Variants in RFX4 observed in about 807,000 individuals in gnomAD.
RFX4 encodes transcription factor RFX4.
In RFX4, 10 loss-of-function variants were observed where a neutral mutation model predicts 95.0. The ratio of observed to expected loss-of-function variants is 0.11; its 90% CI spans 0.06 to 0.18. RFX4 has a LOEUF of 0.18. Ranked by LOEUF, RFX4 falls within the 10% of genes least tolerant of loss-of-function variation. The pLI, the probability that RFX4 is intolerant of heterozygous loss-of-function variation, is 1.00. For synonymous variants in RFX4, 321 were observed against 340.7 expected (o/e 0.94, Z 0.64); for missense variants, 640 against 922.0 (o/e 0.69, Z 3.96).
intron 13 of RFX4, among the ~76,000 whole-genome samples, chr12:106,721,200 C>T (rs2042390459): frequency 6.6e-6 from 1 of 152,158 alleles, no homozygotes; most frequent in African/African-American, 2.4e-5. Context: ...TTCATAGAAT[C>T]CCGTATTTGT....
intron 2 of RFX4, among the ~76,000 whole-genome samples, chr12:106,621,013 G>C (rs1176428653): frequency 2.0e-5 from 3 of 151,958 alleles, no homozygotes; most frequent in Admixed American, 6.6e-5. Context: ...GTCTTCCCTT[G>C]TTCCCTAAAA....
chr12:106,619,906 T>C (rs946398602), intron 2 of RFX4, among the ~76,000 whole-genome samples: 7 of 152,180 alleles, frequency 4.6e-5, no homozygotes, highest in Non-Finnish European at 1.0e-4. Context: ...TGTATTCTTC[T>C]GTGGTAGGTG....
At chr12:106,631,111 C>T (rs1157172389) in intron 2 of RFX4, among the ~76,000 whole-genome samples, 1 of 152,242 alleles carries the variant, frequency 6.6e-6, no homozygotes, top group African/African-American at 2.4e-5. Context: ...TGATGTTTCA[C>T]ATGCATTAAA....
chr12:106,617,469 T>C lies in RFX4; in HGVS notation c.130+8586T>C, dbSNP rs148468584. Among the ~76,000 whole-genome samples, 9 of 152,336 alleles carry C rather than the reference T, an allele frequency of 5.9e-5. No individual in the cohort carries two copies. In the East Asian group the frequency reaches 1.7e-3, roughly 29 times the overall value. ...TCAGTTAAACATATTTTCAATTTTT[T>C]ATTGTGATTTCTTCTTTTACTTATG... is the stretch of plus-strand genomic sequence containing the variant. On this transcript the variant is annotated intron_variant, in intron 2 of 17. Transcript: ENST00000392842.
At chr12:106,755,209 A>T (rs1405496105) in intron 17 of RFX4, among the ~76,000 whole-genome samples, 1 of 151,996 alleles carries the variant, frequency 6.6e-6, no homozygotes, top group East Asian at 1.9e-4. Context: ...TGATCCTCCC[A>T]CCTCAGCCTC....
At chr12:106,714,366 T>C (rs2137509913) in intron 10 of RFX4, among the ~76,000 whole-genome samples, 1 of 152,282 alleles carries the variant, frequency 6.6e-6, no homozygotes, top group South Asian at 2.1e-4. Flanking sequence ...TTCATTATCA[T>C]TAGAGATTCA....
intron 1 of RFX4, among the ~76,000 whole-genome samples, chr12:106,595,753 T>C (rs998760081): frequency 1.3e-5 from 2 of 152,194 alleles, no homozygotes; most frequent in African/African-American, 2.4e-5. Context: ...TTGTATAGCA[T>C]GTTACAGTCT....
intron 2 of RFX4, among the ~76,000 whole-genome samples, chr12:106,637,670 A>G (rs1266099187): frequency 6.8e-6 from 1 of 147,534 alleles, no homozygotes; most frequent in Non-Finnish European, 1.5e-5. Context: ...AATAATCTTT[A>G]TTAGGAATTG....
intron 10 of RFX4, among the ~76,000 whole-genome samples, chr12:106,713,998 A>G (rs1454789599): frequency 7.0e-6 from 1 of 142,694 alleles, no homozygotes; most frequent in African/African-American, 2.6e-5. Context: ...TGAACCCGGG[A>G]GGCAGAGGTT....
intron 2 of RFX4, among the ~76,000 whole-genome samples, chr12:106,618,400 T>C (rs2040116544): frequency 1.3e-5 from 2 of 152,144 alleles, no homozygotes; most frequent in African/African-American, 4.8e-5. Flanking sequence ...TATTTTTAGC[T>C]TTGTTAATTT....
intron 7 of RFX4, among the ~76,000 whole-genome samples, chr12:106,690,412 A>G (rs1463945507): frequency 3.3e-5 from 5 of 152,218 alleles, no homozygotes; most frequent in Non-Finnish European, 5.9e-5. Context: ...GTTTGGCTCT[A>G]TCTTACATTC....
Position 106,749,257 on chromosome 12 carries a change from CAAAAAAAAA to C in RFX4, c.1797-1386_1797-1378del, listed in dbSNP as rs1162244017. ...GAGAATAGAGCGATATACTCCAACT[CAAAAAAAAA>C]AAAAAAAAAAAGAGAGCTCCTACCA... On this transcript the variant is annotated intron_variant, in intron 16 of 17. Transcript: ENST00000392842. Among the ~76,000 whole-genome samples the C allele has an allele frequency of 3.2e-4, 16 of 49,254 alleles. No individual in the cohort carries two copies. The Admixed American group carries it at 3.6e-3, about 11-fold the overall frequency. The allele number at this position is 49,254 out of a possible 152,430, so 32.3% of individuals were successfully genotyped here. A position where few individuals can be genotyped will look rare whatever the true frequency, so the allele number is the denominator to read the frequency against.
chr12:106,667,055 C>A (rs751459498), intron 4 of RFX4, among the ~76,000 whole-genome samples: 4 of 152,110 alleles, frequency 2.6e-5, no homozygotes, highest in African/African-American at 9.7e-5. Flanking sequence ...GGGAAGCAAT[C>A]TATTGTCCTG....
intron 2 of RFX4, among the ~76,000 whole-genome samples, chr12:106,610,607 T>C (rs115733461): frequency 6.6e-6 from 1 of 152,264 alleles, no homozygotes; most frequent in African/African-American, 2.4e-5. Flanking sequence ...GCATAATGCC[T>C]TCAAGGTTAA....
intron 2 of RFX4, among the ~76,000 whole-genome samples, chr12:106,616,053 A>G (rs145946446): frequency 1.3e-5 from 2 of 152,316 alleles, no homozygotes; most frequent in East Asian, 1.9e-4. Flanking sequence ...TAAGTGGTGA[A>G]CGCATTTAGT....
At chr12:106,641,961 CTA>C (rs1565960958) in intron 3 of RFX4, among the ~76,000 whole-genome samples, 1 of 127,694 alleles carries the variant, frequency 7.8e-6, no homozygotes, top group African/African-American at 3.1e-5. Flanking sequence ...CTATCTATAT[CTA>C]TATCTATCTA....
At chr12:106,671,252 T>G (rs2041274839) in intron 4 of RFX4, among the ~76,000 whole-genome samples, 1 of 152,194 alleles carries the variant, frequency 6.6e-6, no homozygotes, top group Non-Finnish European at 1.5e-5. Context: ...CTTTACCTAC[T>G]GAGGGTGGGT....
chr12:106,665,490 A>G (rs2041157273), intron 4 of RFX4, among the ~76,000 whole-genome samples: 1 of 151,890 alleles, frequency 6.6e-6, no homozygotes, highest in Non-Finnish European at 1.5e-5. Flanking sequence ...CTTCGAAGTA[A>G]TTATTGATAA....
At chr12:106,623,777 C>T (rs143448221) in intron 2 of RFX4, among the ~76,000 whole-genome samples, 2,073 of 152,098 alleles carry the variant, frequency 0.014, 20 homozygotes, top group South Asian at 0.033. Context: ...AGAGTGAGAC[C>T]CCATCTCAAA....
Sources: gnomAD v4.1 joint callset for allele counts (sites outside exome capture counted in the v4.1 genomes callset) on GRCh38, gnomAD v4.1.1 for gene constraint, MANE v1.5 for transcripts, NCBI Gene and HGNC (gene_info 2026-07-23, HGNC 2026-07-21) for gene names.